Variants in DNAH12 observed in about 807,000 individuals in gnomAD.
DNAH12 encodes the protein dynein axonemal heavy chain 12.
In DNAH12, 285 loss-of-function variants were observed where a neutral mutation model predicts 371.5. That is an observed-to-expected ratio of 0.77 (90% CI 0.70 to 0.85). DNAH12 has a LOEUF of 0.85. DNAH12 is among the 40% of genes least tolerant of loss of function. DNAH12 has a pLI of 0.00. For missense variants in DNAH12, 3,611 were observed against 3,689.4 expected, an observed-to-expected ratio of 0.98 and a Z score of 0.55; for synonymous variants, 1,200 against 1,213.0, an observed-to-expected ratio of 0.99 and a Z score of 0.22.
intron 13 of DNAH12, among the ~76,000 whole-genome samples, chr3:57,481,736 G>T (rs1330886600): frequency 6.6e-6 from 1 of 151,960 alleles, no homozygotes; most frequent in Non-Finnish European, 1.5e-5. Flanking sequence ...TAGACCAATG[G>T]AACAGAACAG....
chr3:57,526,527 C>CTT lies in DNAH12; in HGVS notation c.171-2645_171-2644dup, dbSNP rs759097908. On this transcript the variant is annotated intron_variant, in intron 2 of 73. Coordinates refer to ENST00000495027, the MANE Select transcript of DNAH12 (RefSeq NM_001366028.2). ...ATGGACACTGAGGTTGTTTCCAGAT[C>CTT]TTTTTTTTTTTTTTTTTTTTGAGAC... Among the ~76,000 whole-genome samples, 166 of 121,212 alleles carry CTT rather than the reference C, an allele frequency of 1.4e-3. 1 individual carries two copies. The highest frequency in any genetic ancestry group is 3.2e-3 in the East Asian group (13 of 4,046). 79.5% of individuals were successfully genotyped at this position (121,212 alleles called of 152,430 possible).
chr3:57,409,066 G>A (rs2064126003), intron 39 of DNAH12, among the ~76,000 whole-genome samples: 1 of 152,190 alleles, frequency 6.6e-6, no homozygotes, highest in African/African-American at 2.4e-5. Context: ...TATCTTCAGA[G>A]TGGATAAAGA....
chr3:57,461,953 A>G (rs2066066595), intron 18 of DNAH12, among the ~76,000 whole-genome samples: 1 of 152,220 alleles, frequency 6.6e-6, no homozygotes, highest in African/African-American at 2.4e-5. Flanking sequence ...AAGAGAATAA[A>G]ATACCTGTAG....
chr3:57,294,956 T>C (rs1444100676), intron 73 of DNAH12, among the ~76,000 whole-genome samples: 1 of 152,060 alleles, frequency 6.6e-6, no homozygotes, highest in Non-Finnish European at 1.5e-5. Flanking sequence ...AATTAAAAAG[T>C]TAGGGAAGAG....
At chr3:57,309,550 TAGAG>T (rs755881046) in intron 68 of DNAH12, 112 bp downstream of exon 68, 56 of 1,067,848 alleles carry the variant, frequency 5.2e-5, no homozygotes, top group Non-Finnish European at 6.5e-5. Context: ...GGCTAATGCT[TAGAG>T]AGGCAAAGTT....
At chr3:57,398,764 C>T (rs1448011405) in intron 43 of DNAH12, among the ~76,000 whole-genome samples, 1 of 152,086 alleles carries the variant, frequency 6.6e-6, no homozygotes, top group Non-Finnish European at 1.5e-5. Context: ...CCGAGGGAGT[C>T]CTTAGTACTA....
intron 62 of DNAH12, among the ~76,000 whole-genome samples, chr3:57,326,433 C>G (rs1048722433): frequency 2.6e-4 from 40 of 152,182 alleles, no homozygotes; most frequent in Non-Finnish European, 4.4e-4. Flanking sequence ...GAATTTTCAA[C>G]CCAGAATTTC....
rs2063297147 is a variant in DNAH12 at position 57,377,156 on chromosome 3, A to G, written c.8290T>C (p.Leu2764=). The G allele has an allele frequency of 6.6e-6, 1 of 152,134 alleles. No homozygotes were observed. Among genetic ancestry groups the G allele is most frequent in the Non-Finnish European group, 1.5e-5 (1 of 68,026 alleles). 9.4% of individuals were successfully genotyped at this position (152,134 alleles called of 1,614,324 possible). ...QKSLAETMEL[L]NQKRAELAEV... ...GCCAGTTCTGCTCTCTTCTGATTCA[A>G]AAGCTCCATTGTCTCAGCTAAAGAC... Residue 2764 remains leucine (L), a synonymous_variant, in exon 53 of 74, where the codon TTG becomes CTG. Transcript: ENST00000495027.
chr3:57,379,560 G>T (rs1337580740), intron 51 of DNAH12, among the ~76,000 whole-genome samples: 1 of 152,004 alleles, frequency 6.6e-6, no homozygotes, highest in African/African-American at 2.4e-5. Context: ...ACAAGTTTAG[G>T]CTGGGTGCAG....
At chr3:57,405,612 G>A (rs1190524031) in intron 41 of DNAH12, 41 bp downstream of exon 41, 2 of 1,511,368 alleles carry the variant, frequency 1.3e-6, no homozygotes, top group Non-Finnish European at 1.8e-6. Flanking sequence ...TTCATATATG[G>A]TACTGCTTTA....
chr3:57,482,642 A>C (rs2066784188), intron 13 of DNAH12, among the ~76,000 whole-genome samples: 1 of 152,118 alleles, frequency 6.6e-6, no homozygotes, highest in African/African-American at 2.4e-5. Flanking sequence ...TTGCAGCACT[A>C]TTCACAACAG....
At chr3:57,307,859 C>T (rs1280710426) in intron 69 of DNAH12, among the ~76,000 whole-genome samples, 2 of 152,218 alleles carry the variant, frequency 1.3e-5, no homozygotes, top group South Asian at 2.1e-4. Flanking sequence ...ACTTGGTTTA[C>T]TGATGGCAGT....
intron 16 of DNAH12, among the ~76,000 whole-genome samples, 179 bp from the exon 17 acceptor site, chr3:57,469,158 C>T (rs2066291466): frequency 6.6e-6 from 1 of 152,106 alleles, no homozygotes. Flanking sequence ...CTAAAATAAT[C>T]ATTTTGACTA....
At chr3:57,387,273 T>G (rs946946463) in intron 45 of DNAH12, 54 bp from the exon 46 acceptor site, 1 of 152,208 alleles carries the variant, frequency 6.6e-6, no homozygotes, top group African/African-American at 2.4e-5. Context: ...AGTAGTCTCA[T>G]TCCAACTCCA....
intron 56 of DNAH12, among the ~76,000 whole-genome samples, chr3:57,367,259 A>G (rs1255015177): frequency 2.0e-5 from 3 of 152,172 alleles, no homozygotes; most frequent in Non-Finnish European, 4.4e-5. Context: ...GCTTGAACCC[A>G]GGAAGCAGTG....
At chr3:57,410,388 T>G (rs2064162688) in intron 39 of DNAH12, among the ~76,000 whole-genome samples, 1 of 152,174 alleles carries the variant, frequency 6.6e-6, no homozygotes, top group Non-Finnish European at 1.5e-5. Context: ...TGAATTGACC[T>G]ACATAAGAAG....
intron 12 of DNAH12, among the ~76,000 whole-genome samples, chr3:57,484,321 C>T (rs916677522): frequency 6.6e-6 from 1 of 152,034 alleles, no homozygotes; most frequent in African/African-American, 2.4e-5. Context: ...TTAGAATATC[C>T]CATGTAGGAT....
At chr3:57,404,772 A>G (rs2063974532) in intron 42 of DNAH12, among the ~76,000 whole-genome samples, 197 bp downstream of exon 42, 1 of 152,180 alleles carries the variant, frequency 6.6e-6, no homozygotes, top group Admixed American at 6.5e-5. Context: ...TACTACTCGT[A>G]TGACACAGGA....
chr3:57,472,339 T>C (rs1305475936), intron 14 of DNAH12, among the ~76,000 whole-genome samples: 1 of 152,182 alleles, frequency 6.6e-6, no homozygotes, highest in African/African-American at 2.4e-5. Flanking sequence ...ACTTTCTAAA[T>C]GTCAGCCCCA....
Sources: gnomAD v4.1 joint callset for allele counts (sites outside exome capture counted in the v4.1 genomes callset) on GRCh38, gnomAD v4.1.1 for gene constraint, MANE v1.5 for transcripts, NCBI Gene and HGNC (gene_info 2026-07-23, HGNC 2026-07-21) for gene names.